SSBP2: variants seen among roughly 807,000 people sequenced by gnomAD.
SSBP2 encodes single stranded DNA binding protein 2, also known as single-stranded DNA-binding protein 2.
In SSBP2, 17 loss-of-function variants were observed where a neutral mutation model predicts 61.8. The observed-to-expected ratio is 0.28, with a 90% CI of 0.19 to 0.41. SSBP2 has a LOEUF of 0.41. SSBP2 is among the 10% of genes least tolerant of loss of function. The pLI is 1.00. For synonymous variants in SSBP2, 139 were observed against 141.3 expected (o/e 0.98, Z 0.12); for missense variants, 310 against 458.7 (o/e 0.68, Z 2.96).
At chr5:81,731,261 C>G (rs924118202) in intron 1 of SSBP2, among the ~76,000 whole-genome samples, 6 of 152,098 alleles carry the variant, frequency 3.9e-5, no homozygotes, top group African/African-American at 1.4e-4. Context: ...AATATGTTAA[C>G]AGTTTACTAA....
At chr5:81,504,916 C>T (rs904940346) in intron 5 of SSBP2, among the ~76,000 whole-genome samples, 4 of 152,310 alleles carry the variant, frequency 2.6e-5, no homozygotes, top group Middle Eastern at 3.4e-3. Flanking sequence ...AAACAAACAA[C>T]AAAACCATAA....
chr5:81,536,797 G>A lies in SSBP2; in HGVS notation c.283-23080C>T, dbSNP rs187211735. ...TGTACTTTGGGAGGCCAAGGAGGGC[G>A]GATCATGAGGTCAGGAAATCAAGAC... On this transcript the variant is annotated intron_variant, in intron 4 of 16. Transcript: ENST00000320672. 7.9e-5 allele frequency among the ~76,000 whole-genome samples: 12 copies of A among 152,122 alleles called. No individual in the cohort carries two copies. The East Asian group carries it at 9.7e-4, about 12-fold the overall frequency.
At chr5:81,555,899 GAA>G (rs1239159390) in intron 4 of SSBP2, among the ~76,000 whole-genome samples, 1 of 151,746 alleles carries the variant, frequency 6.6e-6, no homozygotes, top group Non-Finnish European at 1.5e-5. Context: ...TATTATTCTA[GAA>G]AAGAGATCAG....
chr5:81,586,906 C>A (rs558874244), intron 4 of SSBP2, among the ~76,000 whole-genome samples: 6 of 151,712 alleles, frequency 4.0e-5, no homozygotes, highest in African/African-American at 1.5e-4. Flanking sequence ...AAATCTTGGG[C>A]GCTCAGTCTC....
At chr5:81,570,398 A>T (rs1384158895) in intron 4 of SSBP2, among the ~76,000 whole-genome samples, 2 of 152,226 alleles carry the variant, frequency 1.3e-5, no homozygotes, top group Non-Finnish European at 2.9e-5. Flanking sequence ...AAATCACACA[A>T]ATTATAGAAC....
chr5:81,594,861 A>G (rs1212709059), intron 4 of SSBP2, among the ~76,000 whole-genome samples: 3 of 152,210 alleles, frequency 2.0e-5, no homozygotes, highest in Non-Finnish European at 4.4e-5. Flanking sequence ...AGGGAAATTT[A>G]TAGCACTAAA....
At chr5:81,644,780 A>G (rs975404019) in intron 2 of SSBP2, among the ~76,000 whole-genome samples, 2 of 152,220 alleles carry the variant, frequency 1.3e-5, no homozygotes, top group Admixed American at 1.3e-4. Context: ...AACCTACAGT[A>G]CAAGAACCCT....
At chr5:81,596,832 A>G (rs1489677715) in intron 4 of SSBP2, among the ~76,000 whole-genome samples, 1 of 145,816 alleles carries the variant, frequency 6.9e-6, no homozygotes, top group Non-Finnish European at 1.5e-5. Flanking sequence ...TTATACAAAA[A>G]TTAATTCAAG....
chr5:81,430,430 C>A (rs771187605), intron 15 of SSBP2, among the ~76,000 whole-genome samples: 33 of 152,120 alleles, frequency 2.2e-4, no homozygotes, highest in Non-Finnish European at 4.0e-4. Flanking sequence ...AACATTCATA[C>A]CCCCTGTGGT....
intron 7 of SSBP2, 56 bp from the exon 8 acceptor site, chr5:81,473,826 G>A: frequency 1.3e-6 from 2 of 1,485,506 alleles, no homozygotes; most frequent in South Asian, 1.1e-5. Flanking sequence ...TAAACCAGAG[G>A]CTAGCAGCTT....
At chr5:81,590,069 T>C (rs1417080765) in intron 4 of SSBP2, among the ~76,000 whole-genome samples, 1 of 152,136 alleles carries the variant, frequency 6.6e-6, no homozygotes, top group African/African-American at 2.4e-5. Flanking sequence ...ATTTTTCTAC[T>C]TCTGAAAAAT....
chr5:81,448,937 T>A, intron 10 of SSBP2, 112 bp from the exon 11 acceptor site: 1 of 821,654 alleles, frequency 1.2e-6, no homozygotes, highest in Non-Finnish European at 1.9e-6. Context: ...TATCACAAAG[T>A]ATAGTAAAGG....
At chr5:81,560,690 T>A (rs986415130) in intron 4 of SSBP2, among the ~76,000 whole-genome samples, 2 of 152,222 alleles carry the variant, frequency 1.3e-5, no homozygotes, top group East Asian at 3.8e-4. Flanking sequence ...TGAAACTATG[T>A]TTCATGTCTA....
chr5:81,448,705 C>T, intron 11 of SSBP2, 85 bp downstream of exon 11: 1 of 1,392,674 alleles, frequency 7.2e-7, no homozygotes, highest in Non-Finnish European at 1.0e-6. Context: ...CACAGGGGCT[C>T]TTCTTAACAT....
chr5:81,443,936 CT>C (rs1415260682), intron 12 of SSBP2, among the ~76,000 whole-genome samples: 2 of 152,200 alleles, frequency 1.3e-5, no homozygotes, highest in African/African-American at 4.8e-5. Context: ...GTATCATTTA[CT>C]TTCTCATGGC....
chr5:81,420,649 C>G (rs1213975538), intron 16 of SSBP2, 116 bp from the exon 17 acceptor site: 2 of 797,728 alleles, frequency 2.5e-6, no homozygotes, highest in Admixed American at 4.7e-5. Context: ...TATGTGCAAG[C>G]TTTTCATCTC....
intron 16 of SSBP2, among the ~76,000 whole-genome samples, chr5:81,425,516 A>G (rs1761898776): frequency 6.6e-6 from 1 of 152,216 alleles, no homozygotes; most frequent in Non-Finnish European, 1.5e-5. Flanking sequence ...TCAATTGATT[A>G]TATTTCAGTG....
chr5:81,462,407 G>T (rs567991145), intron 9 of SSBP2, among the ~76,000 whole-genome samples: 12 of 152,170 alleles, frequency 7.9e-5, no homozygotes, highest in Non-Finnish European at 1.0e-4. Context: ...AGAGGTGTGA[G>T]CAGCAGGGAA....
intron 4 of SSBP2, among the ~76,000 whole-genome samples, chr5:81,568,975 G>T (rs1773644722): frequency 6.6e-6 from 1 of 152,154 alleles, no homozygotes. Context: ...CTTGAGTGGA[G>T]ACCTTTCAAC....
Sources: allele counts gnomAD v4.1 joint callset (sites outside exome capture counted in the v4.1 genomes callset), GRCh38; gene constraint gnomAD v4.1.1; transcripts MANE v1.5; gene names NCBI Gene and HGNC (gene_info 2026-07-23, HGNC 2026-07-21).